Variants in PAXIP1 observed in about 807,000 individuals in gnomAD.
PAXIP1 encodes PAX-interacting protein 1.
Under a neutral mutation model 140.6 loss-of-function variants are expected in PAXIP1, and 19 were observed. The ratio of observed to expected loss-of-function variants is 0.14; its 90% CI spans 0.09 to 0.20. PAXIP1 has a LOEUF of 0.20. Ranked by LOEUF, PAXIP1 falls within the 10% of genes least tolerant of loss-of-function variation. The pLI is 1.00. For synonymous variants in PAXIP1, 442 were observed against 444.6 expected (o/e 0.99, Z 0.07); for missense variants, 920 against 1,208.6 (o/e 0.76, Z 3.54).
At chr7:154,994,990 T>C (rs1810507769) in intron 2 of PAXIP1, among the ~76,000 whole-genome samples, 2 of 152,346 alleles carry the variant, frequency 1.3e-5, no homozygotes, top group East Asian at 1.9e-4. Flanking sequence ...GGAATCGGTA[T>C]TGGCCTTGAC....
intron 4 of PAXIP1, among the ~76,000 whole-genome samples, chr7:154,989,884 TGTGTAAGTATATACAATAGGTTTCTTAA>T (rs1810243998): frequency 6.6e-6 from 1 of 152,214 alleles, no homozygotes; most frequent in African/African-American, 2.4e-5. Context: ...GCTAGACTAC[TGTGTAAGTATATACAATAGGTTTCTTAA>T]ACATTCCCAA....
At position 154,960,329 on chromosome 7, in the gene PAXIP1, T is replaced by C. The variant is rs554659050; in HGVS notation, c.2435-396A>G. 2.3e-4 allele frequency among the ~76,000 whole-genome samples: 35 copies of C among 152,136 alleles called. 1 individual carries two copies. The highest frequency in any genetic ancestry group is 2.9e-4 in the Non-Finnish European group (20 of 68,018). On this transcript the variant is annotated intron_variant, in intron 12 of 20. Transcript: ENST00000404141. ...CCTTCTTGCCTTATCACAGGAGCCA[T>C]GATGGCATCCAAGATGTAACAGCAA...
Position 154,954,252 on chromosome 7 carries a change from T to C in PAXIP1, c.2821+3A>G. On this transcript the variant is annotated splice_donor_region_variant and intron_variant, in intron 16 of 20. Transcript: ENST00000404141. This position sits in a 1 kb window ranked among gnomAD's most constrained non-coding sequence, Gnocchi z 5.1. ...AAGCAAAGTTACTGGCGCTGCTCCT[T>C]ACCAATGAACTTCTGACACCTGAAG... 2 of 1,528,372 alleles carry C rather than the reference T, an allele frequency of 1.3e-6. No homozygotes were observed. Among genetic ancestry groups the C allele is most frequent in the South Asian group, 1.2e-5 (1 of 81,298 alleles). The allele number at this position is 1,528,372 out of a possible 1,614,324, so 94.7% of individuals were successfully genotyped here. A position where few individuals can be genotyped will look rare whatever the true frequency, so the allele number is the denominator to read the frequency against.
chr7:155,001,513 T>G (rs1265343224), intron 1 of PAXIP1: 2 of 151,910 alleles, frequency 1.3e-5, no homozygotes, highest in African/African-American at 4.8e-5. Flanking sequence ...TTTTTTTTTT[T>G]TGAGACGGAG....
At chr7:154,981,739 G>A (rs948247425) in intron 5 of PAXIP1, among the ~76,000 whole-genome samples, 1 of 152,066 alleles carries the variant, frequency 6.6e-6, no homozygotes, top group East Asian at 1.9e-4. Flanking sequence ...CTCAATTAAA[G>A]TATTTATATA....
In PAXIP1 at chr7:154,961,095, A is replaced by T; in HGVS notation, c.2250-18T>A. 1 of 1,493,884 alleles carries T rather than the reference A, an allele frequency of 6.7e-7. No homozygotes were observed. The highest frequency in any genetic ancestry group is 9.0e-7 in the Non-Finnish European group (1 of 1,109,686). The allele number at this position is 1,493,884 out of a possible 1,614,324, so 92.5% of individuals were successfully genotyped here. ...CAGTTGGTCTTTTTATTTTTTGAGG[A>T]GAAAACATATTTATTAAATGTTAGA... On this transcript the variant is annotated intron_variant, in intron 11 of 20. Coordinates refer to ENST00000404141, the MANE Select transcript of PAXIP1 (RefSeq NM_007349.4).
rs11978316 is a variant in PAXIP1, at chr7:154,973,509, C to T, written c.1074+2187G>A. Among the ~76,000 whole-genome samples the T allele has an allele frequency of 9.4e-3, 1,434 of 152,300 alleles. 25 individuals are homozygous for T. The highest frequency in any genetic ancestry group is 0.031 in the African/African-American group (1,294 of 41,554). ...CCTTCTCTCTCTGCTCACCTTCTCC[C>T]CCACCATCTTAACTGTCTGCTGTCT... is the stretch of plus-strand genomic sequence containing the variant. On this transcript the variant is annotated intron_variant, in intron 6 of 20. Coordinates refer to ENST00000404141, the MANE Select transcript of PAXIP1 (RefSeq NM_007349.4). This position sits in a 1 kb window ranked among gnomAD's most constrained non-coding sequence, Gnocchi z 4.0.
At chr7:155,001,972 C>T (rs1810923390) in intron 1 of PAXIP1, 1 of 152,266 alleles carries the variant, frequency 6.6e-6, no homozygotes, top group Non-Finnish European at 1.5e-5. Context: ...GGATCCCCAT[C>T]CTCCAAGGTG....
intron 13 of PAXIP1, among the ~76,000 whole-genome samples, chr7:154,957,662 C>T (rs1047209906): frequency 1.3e-5 from 2 of 152,148 alleles, no homozygotes; most frequent in Non-Finnish European, 1.5e-5. Flanking sequence ...TGTCCTGTGT[C>T]CCAATTTAGA....
intron 1 of PAXIP1, among the ~76,000 whole-genome samples, chr7:154,999,739 T>C (rs991602957): frequency 3.4e-4 from 51 of 152,198 alleles, no homozygotes; most frequent in African/African-American, 1.2e-3. Context: ...GTCGTGTTAA[T>C]ATCTGGCAAG....
At chr7:154,951,172 G>T (rs11767562) in intron 16 of PAXIP1, 32,957 of 152,022 alleles carry the variant, frequency 0.22, 4,394 homozygotes, top group Admixed American at 0.32. Flanking sequence ...GACTCTGGGT[G>T]ACTAGCCAAG....
Position 154,984,117 on chromosome 7 carries a change from C to T in PAXIP1, c.325-785G>A, listed in dbSNP as rs574889975. Among the ~76,000 whole-genome samples the T allele has an allele frequency of 3.3e-5, 5 of 152,262 alleles. No homozygotes were observed. The South Asian group carries it at 1.0e-3, about 32-fold the overall frequency. ...ACATAAGGAAACACACTAAATTACA[C>T]CTAATAATTGGAAAAGCTGACTTTT... is the stretch of plus-strand genomic sequence containing the variant. On this transcript the variant is annotated intron_variant, in intron 4 of 20. Transcript: ENST00000404141.
chr7:154,985,326 A>G (rs1340859758), intron 4 of PAXIP1, among the ~76,000 whole-genome samples: 5 of 152,182 alleles, frequency 3.3e-5, no homozygotes, highest in Non-Finnish European at 5.9e-5. Context: ...GTTGGCTAAT[A>G]ATGTCTCCTC....
chr7:155,000,869 C>T (rs1009415297), intron 1 of PAXIP1: 10 of 152,228 alleles, frequency 6.6e-5, no homozygotes, highest in Admixed American at 3.3e-4. Context: ...TTCTGCTTAT[C>T]TCAAAACCCA....
chr7:154,998,523 T>A (rs536089820), intron 2 of PAXIP1, 127 bp downstream of exon 2: 1 of 530,738 alleles, frequency 1.9e-6, no homozygotes, highest in Non-Finnish European at 3.0e-6. Flanking sequence ...AATAAATAAA[T>A]AAAAAATAAA....
chr7:154,981,649 G>A (rs1233361999), intron 5 of PAXIP1, among the ~76,000 whole-genome samples: 1 of 152,020 alleles, frequency 6.6e-6, no homozygotes, highest in African/African-American at 2.4e-5. Context: ...AATTATAGTA[G>A]CATATTTGTT....
intron 4 of PAXIP1, among the ~76,000 whole-genome samples, chr7:154,987,867 A>T (rs1193370575): frequency 2.0e-5 from 3 of 152,094 alleles, no homozygotes; most frequent in Non-Finnish European, 2.9e-5. Context: ...TGCTACCCTG[A>T]ATCCCATCTC....
At position 154,976,202 on chromosome 7, in the gene PAXIP1, C is replaced by T; in HGVS notation, c.568G>A (p.Glu190Lys). ...TCCTCTTCCTCTTCCTCTTCTTCCT[C>T]TTCATAAATAATCAGACGAGGATGA... Reference protein sequence around the residue: ...FYHPRLIIYEEEEEEEEEEEE... With the variant: ...FYHPRLIIYEKEEEEEEEEEE... The change falls in exon 6 of 21, where the codon GAG (glutamate) becomes AAG (lysine). Residue 190 changes from glutamate to lysine, a missense_variant. By Grantham distance (56) the Glu-to-Lys change is moderately conservative. Transcript: ENST00000404141. 1 of 1,612,890 alleles carries T rather than the reference C, an allele frequency of 6.2e-7. No individual in the cohort carries two copies. The highest frequency in any genetic ancestry group is 1.7e-4 in the Middle Eastern group (1 of 6,060).
At chr7:154,995,747 G>A (rs969751985) in intron 2 of PAXIP1, among the ~76,000 whole-genome samples, 1 of 152,146 alleles carries the variant, frequency 6.6e-6, no homozygotes, top group African/African-American at 2.4e-5. Context: ...CTACTAGGGA[G>A]GCTGAGAGAG....
Sources: allele counts gnomAD v4.1 joint callset (sites outside exome capture counted in the v4.1 genomes callset), GRCh38; gene constraint gnomAD v4.1.1; non-coding constraint Gnocchi (gnomAD v3.1); transcripts MANE v1.5; gene names NCBI Gene and HGNC (gene_info 2026-07-23, HGNC 2026-07-21).